Variants in PDGFC observed in about 807,000 individuals in gnomAD.
PDGFC encodes the protein platelet derived growth factor C.
A neutral mutation model predicts 35.5 loss-of-function variants in PDGFC; 12 were observed. The observed-to-expected ratio is 0.34, with a 90% CI of 0.22 to 0.55. PDGFC has a LOEUF of 0.55. PDGFC is among the 20% of genes least tolerant of loss of function. The probability of loss-of-function intolerance (pLI) is 0.91; values close to 1 mark genes in which losing one functional copy is unlikely to be tolerated. For synonymous variants in PDGFC, 159 were observed against 148.8 expected (o/e 1.07, Z -0.50); for missense variants, 322 against 412.4 (o/e 0.78, Z 1.90).
intron 1 of PDGFC, among the ~76,000 whole-genome samples, chr4:156,948,903 T>C (rs1244288974): frequency 6.6e-6 from 1 of 151,970 alleles, no homozygotes; most frequent in Non-Finnish European, 1.5e-5. Flanking sequence ...CCCTGAGTAA[T>C]GACAGCTCTG....
At position 156,960,606 on chromosome 4, in the gene PDGFC, T is replaced by C. The variant is rs192210950; in HGVS notation, c.118+10180A>G. Among the ~76,000 whole-genome samples the C allele has an allele frequency of 2.9e-3, 446 of 151,908 alleles. 1 individual carries two copies. Among genetic ancestry groups the C allele is most frequent in the African/African-American group, 0.01 (423 of 41,516 alleles). On this transcript the variant is annotated intron_variant, in intron 1 of 5. Transcript: ENST00000502773. The stretch of plus-strand genomic sequence containing the variant: ...GTCACTGCCTATTGAAAACAAAGAA[T>C]CCCCTGATGCCTTTTATTATCTACA...
chr4:156,866,286 T>C (rs953509758), intron 1 of PDGFC, among the ~76,000 whole-genome samples: 1 of 152,190 alleles, frequency 6.6e-6, no homozygotes, highest in East Asian at 1.9e-4. Context: ...GGACATGAAC[T>C]CATCATTTTT....
At chr4:156,917,487 C>T (rs1560872252) in intron 1 of PDGFC, among the ~76,000 whole-genome samples, 1 of 152,202 alleles carries the variant, frequency 6.6e-6, no homozygotes, top group Non-Finnish European at 1.5e-5. Context: ...TTCCCTGTCA[C>T]AAGCAACAGC....
intron 1 of PDGFC, among the ~76,000 whole-genome samples, chr4:156,884,501 A>C (rs2111178838): frequency 6.6e-6 from 1 of 152,332 alleles, no homozygotes; most frequent in East Asian, 1.9e-4. Flanking sequence ...CCATATATCT[A>C]ACAGTTTAAT....
intron 1 of PDGFC, among the ~76,000 whole-genome samples, chr4:156,936,744 A>C (rs1264941721): frequency 6.6e-6 from 1 of 152,202 alleles, no homozygotes; most frequent in Non-Finnish European, 1.5e-5. Context: ...GGAGTAGACG[A>C]ATGGAAGAAG....
chr4:156,793,565 A>G (rs1243758535), intron 3 of PDGFC, among the ~76,000 whole-genome samples: 5 of 124,176 alleles, frequency 4.0e-5, no homozygotes, highest in Non-Finnish European at 6.8e-5. Flanking sequence ...ATATATATAA[A>G]ACACTTTAAA....
intron 2 of PDGFC, among the ~76,000 whole-genome samples, chr4:156,827,893 C>T (rs1170074204): frequency 6.6e-6 from 1 of 152,136 alleles, no homozygotes; most frequent in East Asian, 1.9e-4. Context: ...CAAAGATTTG[C>T]TATTAGGAAA....
intron 2 of PDGFC, among the ~76,000 whole-genome samples, chr4:156,827,213 T>C (rs567629602): frequency 2.8e-4 from 43 of 152,008 alleles, no homozygotes; most frequent in South Asian, 6.2e-4. Flanking sequence ...GTCAGGAGAT[T>C]GAGACCATCC....
At chr4:156,965,159 A>G (rs1732436227) in intron 1 of PDGFC, among the ~76,000 whole-genome samples, 1 of 152,160 alleles carries the variant, frequency 6.6e-6, no homozygotes, top group Non-Finnish European at 1.5e-5. Flanking sequence ...CTATCTTCCT[A>G]TTTAAGAAGT....
At chr4:156,763,433 C>T (rs1047057000) in intron 5 of PDGFC, among the ~76,000 whole-genome samples, 9 of 149,384 alleles carry the variant, frequency 6.0e-5, no homozygotes, top group Non-Finnish European at 1.2e-4. Context: ...AATTTGGAAG[C>T]ATTCTGTCTC....
chr4:156,842,917 C>A (rs1384755749), intron 2 of PDGFC, among the ~76,000 whole-genome samples: 3 of 152,162 alleles, frequency 2.0e-5, no homozygotes, highest in African/African-American at 7.2e-5. Context: ...CTCATTATGA[C>A]TAATCTTTCT....
chr4:156,875,117 A>G (rs1730081341), intron 1 of PDGFC, among the ~76,000 whole-genome samples: 1 of 152,184 alleles, frequency 6.6e-6, no homozygotes, highest in African/African-American at 2.4e-5. Flanking sequence ...AGGGAAAAAA[A>G]GCAAAAATAA....
At chr4:156,846,684 C>T (rs76775037) in intron 2 of PDGFC, among the ~76,000 whole-genome samples, 9,006 of 151,784 alleles carry the variant, frequency 0.059, 879 homozygotes, top group African/African-American at 0.2. Flanking sequence ...GATACTGCTA[C>T]TAATGTTCGA....
chr4:156,810,130 A>T (rs1731891310), intron 3 of PDGFC, among the ~76,000 whole-genome samples: 1 of 151,488 alleles, frequency 6.6e-6, no homozygotes, highest in Non-Finnish European at 1.5e-5. Flanking sequence ...TTGCCTATTA[A>T]TAAAAATGTA....
intron 1 of PDGFC, among the ~76,000 whole-genome samples, chr4:156,902,293 T>C (rs1020065698): frequency 6.6e-6 from 1 of 152,230 alleles, no homozygotes; most frequent in East Asian, 1.9e-4. Flanking sequence ...TGGTATCTAC[T>C]ACCCAGATTT....
At position 156,761,126 on chromosome 4, in the gene PDGFC, G is replaced by C. The variant is rs1437415902; in HGVS notation, c.*1964C>G. 2 of 152,242 alleles carry C rather than the reference G, an allele frequency of 1.3e-5. No individual in the cohort carries two copies. The highest frequency in any genetic ancestry group is 3.9e-4 in the East Asian group (2 of 5,194). 9.4% of individuals were successfully genotyped at this position (152,242 alleles called of 1,614,324 possible). On this transcript the variant is annotated 3_prime_UTR_variant, in exon 6 of 6. Transcript: ENST00000502773. ...TGAAGACAGAAGGCCCTGGACACTAGACATCTCTGCCAAGTTGAAAGGCTG... is the reference window on the plus strand; with the variant it reads ...TGAAGACAGAAGGCCCTGGACACTACACATCTCTGCCAAGTTGAAAGGCTG...
intron 3 of PDGFC, among the ~76,000 whole-genome samples, chr4:156,807,361 T>C (rs1192517657): frequency 3.3e-5 from 5 of 151,994 alleles, no homozygotes; most frequent in Non-Finnish European, 7.4e-5. Context: ...AGAGAAATTT[T>C]AATTATGTCT....
chr4:156,866,751 A>G (rs1399872490), intron 1 of PDGFC, among the ~76,000 whole-genome samples: 1 of 151,984 alleles, frequency 6.6e-6, no homozygotes, highest in African/African-American at 2.4e-5. Flanking sequence ...ATATTTAAGT[A>G]TTATATACAC....
intron 1 of PDGFC, among the ~76,000 whole-genome samples, chr4:156,908,575 G>A (rs1310323645): frequency 1.3e-5 from 2 of 152,136 alleles, no homozygotes; most frequent in Non-Finnish European, 2.9e-5. Flanking sequence ...AATAACCTAT[G>A]TGGCAAAATG....
Sources: allele counts gnomAD v4.1 joint callset (sites outside exome capture counted in the v4.1 genomes callset), GRCh38; gene constraint gnomAD v4.1.1; transcripts MANE v1.5; gene names NCBI Gene and HGNC (gene_info 2026-07-23, HGNC 2026-07-21).